Variants in ANXA8 observed in about 807,000 individuals in gnomAD.
ANXA8 encodes VAC-beta.
Under a neutral mutation model 26.8 loss-of-function variants are expected in ANXA8, and 9 were observed. The observed-to-expected ratio is 0.34, with a 90% CI of 0.20 to 0.59. ANXA8 has a LOEUF of 0.59. Among genes scored for constraint, ANXA8 ranks in the 20% least tolerant of loss-of-function variants. The probability of loss-of-function intolerance (pLI) is 0.84; values close to 1 mark genes in which losing one functional copy is unlikely to be tolerated. For missense variants in ANXA8, 83 were observed against 238.5 expected, an observed-to-expected ratio of 0.35 and a Z score of 4.29; for synonymous variants, 39 against 94.8, an observed-to-expected ratio of 0.41 and a Z score of 3.42.
At chr10:47,507,063 G>A in the ANXA8 span, among the ~76,000 whole-genome samples, 1 of 133,294 alleles carries the variant, frequency 7.5e-6, no homozygotes, top group Admixed American at 7.9e-5. Flanking sequence ...TCAACTTTTT[G>A]TTGTAGAAAA....
the ANXA8 span, among the ~76,000 whole-genome samples, chr10:47,517,599 T>G: frequency 7.9e-6 from 1 of 126,198 alleles, no homozygotes; most frequent in Non-Finnish European, 1.6e-5. Context: ...AACCAGACTA[T>G]TGAAATTTAA....
chr10:47,709,475 T>C, the ANXA8 span, among the ~76,000 whole-genome samples: 1 of 150,730 alleles, frequency 6.6e-6, no homozygotes, highest in African/African-American at 2.5e-5. Context: ...ATGCATGTTA[T>C]TGTACAGAAA....
chr10:47,557,256 G>T, the ANXA8 span, among the ~76,000 whole-genome samples: 2 of 146,270 alleles, frequency 1.4e-5, no homozygotes, highest in African/African-American at 5.1e-5. Flanking sequence ...TGATCTGCCC[G>T]CCTCAGCCTC....
chr10:47,502,178 C>A, the ANXA8 span: 1 of 1,547,772 alleles, frequency 6.5e-7, no homozygotes. Flanking sequence ...GTGGGCATCT[C>A]GGGCCATGAC....
At chr10:47,724,195 A>C in the ANXA8 span, among the ~76,000 whole-genome samples, 1 of 132,532 alleles carries the variant, frequency 7.5e-6, no homozygotes, top group Non-Finnish European at 1.6e-5. Context: ...AATTACTGTG[A>C]AACCAAAATG....
At chr10:47,488,573 A>G (rs1840086482), upstream of ANXA8, among the ~76,000 whole-genome samples, 1 of 151,084 alleles carries the variant, frequency 6.6e-6, no homozygotes, top group African/African-American at 2.5e-5. Flanking sequence ...TAATAAATTC[A>G]TTTATGTAAA....
the ANXA8 span, among the ~76,000 whole-genome samples, chr10:47,703,410 A>G: frequency 6.6e-6 from 1 of 151,516 alleles, no homozygotes; most frequent in Admixed American, 6.6e-5. Context: ...TCTACAAAAA[A>G]TAGAAAAATT....
the ANXA8 span, among the ~76,000 whole-genome samples, chr10:47,769,815 G>A: frequency 6.6e-6 from 1 of 152,298 alleles, no homozygotes; most frequent in African/African-American, 2.4e-5. Flanking sequence ...GCAACATGGT[G>A]GGTGCATTAG....
At chr10:47,989,806 A>G in the ANXA8 span, among the ~76,000 whole-genome samples, 1 of 89,856 alleles carries the variant, frequency 1.1e-5, no homozygotes, top group Non-Finnish European at 2.7e-5. Context: ...GACACAGAGG[A>G]AAAGGCAACA....
the ANXA8 span, among the ~76,000 whole-genome samples, chr10:47,505,698 G>C: frequency 3.4e-5 from 4 of 118,986 alleles, no homozygotes; most frequent in African/African-American, 1.3e-4. Context: ...TAACGAAACC[G>C]TGTCTCTATC....
At chr10:47,969,395 C>A in the ANXA8 span, among the ~76,000 whole-genome samples, 3 of 150,330 alleles carry the variant, frequency 2.0e-5, no homozygotes, top group Non-Finnish European at 4.5e-5. Flanking sequence ...TTGCTTAGAG[C>A]ACCACAAATC....
the ANXA8 span, among the ~76,000 whole-genome samples, chr10:47,901,739 TAA>T: frequency 9.6e-5 from 13 of 135,240 alleles, no homozygotes; most frequent in Non-Finnish European, 1.8e-4. Context: ...ATTTACCACA[TAA>T]GAGTCTTTCT....
At chr10:47,564,314 T>TGCGGG in the ANXA8 span, 1 of 606,006 alleles carries the variant, frequency 1.7e-6, no homozygotes, top group Admixed American at 2.6e-5. Context: ...GCCAGCCTGC[T>TGCGGG]GCGGGGCGGG....
chr10:47,574,197 C>A, the ANXA8 span, among the ~76,000 whole-genome samples: 8 of 55,052 alleles, frequency 1.5e-4, 1 homozygote, highest in East Asian at 2.2e-3. Context: ...CTCACTGCAA[C>A]CTCCGCCTCC....
the ANXA8 span, among the ~76,000 whole-genome samples, chr10:47,556,822 T>G: frequency 8.4e-3 from 1,248 of 147,730 alleles, 21 homozygotes; most frequent in African/African-American, 0.029. Context: ...TACATTATAT[T>G]TTTCCAATAT....
the ANXA8 span, among the ~76,000 whole-genome samples, chr10:47,664,448 A>G: frequency 6.6e-6 from 1 of 151,690 alleles, no homozygotes; most frequent in African/African-American, 2.4e-5. Flanking sequence ...GGTGCCTGTA[A>G]TCCCAACTAC....
chr10:47,469,589 A>T (rs1471279614), intron 11 of ANXA8, among the ~76,000 whole-genome samples: 1 of 151,860 alleles, frequency 6.6e-6, no homozygotes, highest in Non-Finnish European at 1.5e-5. Flanking sequence ...AGATAGTGGT[A>T]GGTCCTGATG....
chr10:47,617,675 A>T, the ANXA8 span, among the ~76,000 whole-genome samples: 5 of 148,648 alleles, frequency 3.4e-5, no homozygotes, highest in African/African-American at 7.8e-5. Context: ...TGCCCAGCAA[A>T]AAACCCATTA....
chr10:47,947,943 G>A, the ANXA8 span, among the ~76,000 whole-genome samples: 1 of 150,972 alleles, frequency 6.6e-6, no homozygotes, highest in African/African-American at 2.5e-5. Context: ...GCTCATGTGG[G>A]ACATGGGGGG....
Sources: allele counts gnomAD v4.1 joint callset (sites outside exome capture counted in the v4.1 genomes callset), GRCh38; gene constraint gnomAD v4.1.1; transcripts MANE v1.5; gene names NCBI Gene and HGNC (gene_info 2026-07-23, HGNC 2026-07-21).